Variants in TPGS2 observed in about 807,000 individuals in gnomAD.
TPGS2 encodes tubulin polyglutamylase complex subunit 2.
Under a neutral mutation model 31.1 loss-of-function variants are expected in TPGS2, and 26 were observed. The observed-to-expected ratio is 0.84, with a 90% CI of 0.61 to 1.16. The LOEUF (loss-of-function observed/expected upper bound fraction) is 1.16. Ranked by LOEUF, TPGS2 falls within the 50% of genes most tolerant of loss-of-function variation. The pLI, the probability that TPGS2 is intolerant of heterozygous loss-of-function variation, is 0.00. For missense variants in TPGS2, 351 were observed against 363.8 expected, an observed-to-expected ratio of 0.96 and a Z score of 0.29; for synonymous variants, 130 against 136.6, an observed-to-expected ratio of 0.95 and a Z score of 0.34.
Position 36,795,820 on chromosome 18 carries a change from T to C in TPGS2, c.*985A>G. 1.0e-6 allele frequency: 1 copy of C among 985,480 alleles called. No homozygotes were observed. Among genetic ancestry groups the C allele is most frequent in the Non-Finnish European group, 1.2e-6 (1 of 829,958 alleles). 61.0% of individuals were successfully genotyped at this position (985,480 alleles called of 1,614,324 possible). A position where few individuals can be genotyped will look rare whatever the true frequency, so the allele number is the denominator to read the frequency against. ...GGCCAGGGACCAGGCAAAGTGAGGC[T>C]GGACAACTCAGAGCTGTGAAGAGGC... On this transcript the variant is annotated 3_prime_UTR_variant, in exon 7 of 7. Transcript: ENST00000334295.
At chr18:36,813,833 G>A (rs1259821127) in intron 2 of TPGS2, among the ~76,000 whole-genome samples, 3 of 152,220 alleles carry the variant, frequency 2.0e-5, no homozygotes, top group African/African-American at 7.2e-5. Flanking sequence ...AGAGAGAAGG[G>A]TTGACTGGTG....
intron 1 of TPGS2, 65 bp downstream of exon 1, chr18:36,828,618 C>G (rs1451341867): frequency 1.9e-6 from 3 of 1,576,022 alleles, no homozygotes; most frequent in South Asian, 2.2e-5. Flanking sequence ...CACCCCGCAC[C>G]TCATCCCTCC....
chr18:36,787,815 A>G (rs2044176730), intron 6 of TPGS2, among the ~76,000 whole-genome samples: 1 of 152,242 alleles, frequency 6.6e-6, no homozygotes, highest in Non-Finnish European at 1.5e-5. Context: ...ACAGAGATGC[A>G]ACACATCCTC....
chr18:36,804,196 T>C (rs928640108), intron 4 of TPGS2, among the ~76,000 whole-genome samples: 4 of 152,280 alleles, frequency 2.6e-5, no homozygotes, highest in African/African-American at 9.6e-5. Context: ...GAAGTCACTG[T>C]TTTTCCATTT....
At chr18:36,792,961 T>C (rs999263269), downstream of TPGS2, among the ~76,000 whole-genome samples, 2 of 152,362 alleles carry the variant, frequency 1.3e-5, no homozygotes, top group Non-Finnish European at 2.9e-5. Context: ...TCCATTTTAA[T>C]TGCTTTAGTT....
chr18:36,828,691 C>T lies in TPGS2; in HGVS notation c.77G>A (p.Arg26His), dbSNP rs200024171. Residue 26 changes from arginine (R) to histidine (H), a missense_variant, in exon 1 of 7, where the codon CGC (arginine) becomes CAC (histidine). Transcript: ENST00000334295. Reference sequence around the variant, plus strand: ...GTGCCCCCTTTCCTCACCTAGGATGCGCGTGATGCCCAGGGTCAGCTTCTC... The same window carrying T: ...GTGCCCCCTTTCCTCACCTAGGATGTGCGTGATGCCCAGGGTCAGCTTCTC... ...HLEKLTLGIT[R>H]ILESSPGVTE... The T allele has an allele frequency of 6.2e-7, 1 of 1,614,138 alleles. No individual in the cohort carries two copies. Among genetic ancestry groups the T allele is most frequent in the East Asian group, 2.2e-5 (1 of 44,848 alleles).
downstream of TPGS2, among the ~76,000 whole-genome samples, chr18:36,780,887 T>C (rs1467657212): frequency 6.6e-6 from 1 of 152,148 alleles, no homozygotes; most frequent in African/African-American, 2.4e-5. Flanking sequence ...GCCTGGGACA[T>C]TACTGTGCAC....
At chr18:36,824,426 C>T (rs1303783272) in intron 1 of TPGS2, among the ~76,000 whole-genome samples, 1 of 152,188 alleles carries the variant, frequency 6.6e-6, no homozygotes, top group Non-Finnish European at 1.5e-5. Context: ...TACAGTAACT[C>T]CAATCTTTTG....
chr18:36,782,733 C>G (rs1326803211), downstream of TPGS2, among the ~76,000 whole-genome samples: 2 of 152,182 alleles, frequency 1.3e-5, no homozygotes, highest in Non-Finnish European at 2.9e-5. Flanking sequence ...GCAAAGCTGC[C>G]TTCACACTGT....
At chr18:36,810,955 C>T (rs1412486022) in intron 2 of TPGS2, among the ~76,000 whole-genome samples, 2 of 152,166 alleles carry the variant, frequency 1.3e-5, no homozygotes, top group African/African-American at 2.4e-5. Flanking sequence ...ATTCCCCTCA[C>T]TTTTAGAGGC....
chr18:36,784,252 C>T (rs747839310), intron 6 of TPGS2, among the ~76,000 whole-genome samples: 77 of 152,344 alleles, frequency 5.1e-4, no homozygotes, highest in Non-Finnish European at 5.6e-4. Context: ...ATGTGCACCG[C>T]GCACCCGTTA....
chr18:36,787,974 CCTAT>C (rs561881182), intron 6 of TPGS2, among the ~76,000 whole-genome samples: 45 of 152,258 alleles, frequency 3.0e-4, no homozygotes, highest in African/African-American at 5.8e-4. Flanking sequence ...ACTTTCTAAA[CCTAT>C]CTATCTATCT....
intron 6 of TPGS2, among the ~76,000 whole-genome samples, chr18:36,787,923 G>GA (rs1369256231): frequency 2.6e-5 from 4 of 152,172 alleles, no homozygotes; most frequent in African/African-American, 9.7e-5. Flanking sequence ...GTCTTTGGAA[G>GA]AAAAAATTGC....
At chr18:36,790,533 C>T (rs1337271901), downstream of TPGS2, among the ~76,000 whole-genome samples, 2 of 152,304 alleles carry the variant, frequency 1.3e-5, no homozygotes, top group African/African-American at 2.4e-5. Context: ...CACAAAGGTA[C>T]ACTGTCCGAT....
At chr18:36,824,763 T>C (rs1276956093) in intron 1 of TPGS2, among the ~76,000 whole-genome samples, 1 of 152,244 alleles carries the variant, frequency 6.6e-6, no homozygotes, top group African/African-American at 2.4e-5. Flanking sequence ...CCTTTTCATA[T>C]ATATGATTTA....
chr18:36,799,223 CTCTT>C (rs770476006), intron 5 of TPGS2, among the ~76,000 whole-genome samples: 13 of 152,168 alleles, frequency 8.5e-5, no homozygotes, highest in Non-Finnish European at 1.3e-4. Context: ...TCCATCCAGT[CTCTT>C]TCTTTGCCAA....
chr18:36,828,901 G>T lies in TPGS2; in HGVS notation c.-134C>A. 8.6e-7 allele frequency: 1 copy of T among 1,158,708 alleles called. No individual in the cohort carries two copies. The highest frequency in any genetic ancestry group is 1.2e-6 in the Non-Finnish European group (1 of 832,614). The allele number at this position is 1,158,708 out of a possible 1,614,324, so 71.8% of individuals were successfully genotyped here. On this transcript the variant is annotated 5_prime_UTR_variant, in exon 1 of 7. Coordinates refer to ENST00000334295, the MANE Select transcript of TPGS2 (RefSeq NM_015476.4). Reference sequence around the variant, plus strand: ...GAAAGCGCGGCGCAGTGATGATGGGGGCCCGGGGTTGGTCTGACAGCAGCA... The same window carrying T: ...GAAAGCGCGGCGCAGTGATGATGGGTGCCCGGGGTTGGTCTGACAGCAGCA...
chr18:36,802,825 A>T (rs1217731134), intron 4 of TPGS2, among the ~76,000 whole-genome samples: 1 of 152,022 alleles, frequency 6.6e-6, no homozygotes, highest in Non-Finnish European at 1.5e-5. Flanking sequence ...ACGGGGTTTC[A>T]CCATGTTGGC....
chr18:36,790,770 T>C (rs1312737684), downstream of TPGS2, among the ~76,000 whole-genome samples: 1 of 152,228 alleles, frequency 6.6e-6, no homozygotes, highest in Non-Finnish European at 1.5e-5. Flanking sequence ...TTTCTCAATT[T>C]TGCTTGTTGT....
Sources: gnomAD v4.1 joint callset for allele counts (sites outside exome capture counted in the v4.1 genomes callset) on GRCh38, gnomAD v4.1.1 for gene constraint, MANE v1.5 for transcripts, NCBI Gene and HGNC (gene_info 2026-07-23, HGNC 2026-07-21) for gene names.